FBXL22: variants seen among roughly 807,000 people sequenced by gnomAD.
The protein encoded by FBXL22 is F-box and leucine-rich protein 22.
In FBXL22, 13 loss-of-function variants were observed where a neutral mutation model predicts 11.7. The ratio of observed to expected loss-of-function variants is 1.11; its 90% CI spans 0.73 to 1.77. The LOEUF is 1.77. Among genes scored for constraint, FBXL22 ranks in the 40% most tolerant of loss-of-function variants. FBXL22 has a pLI of 0.00. For synonymous variants in FBXL22, 160 were observed against 144.1 expected, an observed-to-expected ratio of 1.11 and a Z score of -0.79; for missense variants, 406 against 320.4, an observed-to-expected ratio of 1.27 and a Z score of -2.04.
In FBXL22 at chr15:63,597,840, T is replaced by TGGAG; in HGVS notation, c.353+95_353+96insGGAG. 8.0e-7 allele frequency: 1 copy of TGGAG among 1,243,346 alleles called. No individual in the cohort carries two copies. The highest frequency in any genetic ancestry group is 1.1e-6 in the Non-Finnish European group (1 of 916,228). The allele number at this position is 1,243,346 out of a possible 1,614,324, so 77.0% of individuals were successfully genotyped here. ...GAGCAAATTACGAGACCAAGATGGC[T>TGGAG]CCACCTTCGGGGCGCCTCAAACTAG... is the stretch of plus-strand genomic sequence containing the variant. On this transcript the variant is annotated intron_variant, in intron 1 of 1. Transcript: ENST00000638704. The surrounding 1 kb of genome is among the most constrained non-coding windows in gnomAD (Gnocchi z 4.3).
downstream of FBXL22, chr15:63,601,403 C>CG (rs768224781): frequency 1.9e-6 from 3 of 1,594,836 alleles, no homozygotes; most frequent in Admixed American, 1.7e-5. Context: ...CCTGACCACT[C>CG]GGAGTTCGCC....
intron 1 of FBXL22, among the ~76,000 whole-genome samples, chr15:63,598,233 A>G (rs758183792): frequency 6.6e-6 from 1 of 152,150 alleles, no homozygotes; most frequent in African/African-American, 2.4e-5. Flanking sequence ...GAGTAGATGA[A>G]TTACTGATTT....
At chr15:63,598,706 G>A (rs2067314346) in intron 1 of FBXL22, among the ~76,000 whole-genome samples, 1 of 152,244 alleles carries the variant, frequency 6.6e-6, no homozygotes, top group African/African-American at 2.4e-5. Context: ...TTTGCTGGCA[G>A]CACGACAGGA....
At chr15:63,600,219 C>T in intron 1 of FBXL22, 1 of 987,640 alleles carries the variant, frequency 1.0e-6, no homozygotes. Flanking sequence ...ATGGGCCTGT[C>T]ACTAGGCCAC....
At chr15:63,598,210 A>C (rs1258428775) in intron 1 of FBXL22, among the ~76,000 whole-genome samples, 1 of 152,192 alleles carries the variant, frequency 6.6e-6, no homozygotes, top group African/African-American at 2.4e-5. Context: ...AGCTGAGCCA[A>C]ACCAGACTCC....
At position 63,597,799 on chromosome 15, in the gene FBXL22, C is replaced by G; in HGVS notation, c.353+54C>G. 1.3e-6 allele frequency: 2 copies of G among 1,490,290 alleles called. No individual in the cohort carries two copies. The highest frequency in any genetic ancestry group is 1.8e-6 in the Non-Finnish European group (2 of 1,112,824). The allele number at this position is 1,490,290 out of a possible 1,614,324, so 92.3% of individuals were successfully genotyped here. The stretch of plus-strand genomic sequence containing the variant: ...TGGCCCCGCTAGCTCTGGCTTCCCT[C>G]TTGGGGGGCAGGGAAGAGCAAATTA... On this transcript the variant is annotated intron_variant, in intron 1 of 1. Coordinates refer to ENST00000638704, the MANE Select transcript of FBXL22 (RefSeq NM_001367807.1). The surrounding 1 kb of genome is among the most constrained non-coding windows in gnomAD (Gnocchi z 4.3).
downstream of FBXL22, among the ~76,000 whole-genome samples, chr15:63,606,521 G>C (rs994203425): frequency 6.6e-6 from 1 of 152,180 alleles, no homozygotes; most frequent in African/African-American, 2.4e-5. Flanking sequence ...CAGCTCCTCA[G>C]ATCAGGGACT....
chr15:63,606,374 T>C (rs2067412901), downstream of FBXL22, among the ~76,000 whole-genome samples: 1 of 152,184 alleles, frequency 6.6e-6, no homozygotes, highest in Non-Finnish European at 1.5e-5. Context: ...AAACTGATGG[T>C]CAACGTTTGC....
downstream of FBXL22, among the ~76,000 whole-genome samples, chr15:63,605,643 T>G (rs938029344): frequency 1.3e-5 from 2 of 152,210 alleles, no homozygotes; most frequent in Non-Finnish European, 2.9e-5. Flanking sequence ...GATGGAAGCC[T>G]GATTGTATTC....
At chr15:63,599,891 G>A (rs2067338187) in intron 1 of FBXL22, 1 of 985,536 alleles carries the variant, frequency 1.0e-6, no homozygotes, top group African/African-American at 1.7e-5. Flanking sequence ...CCCAGTGGTA[G>A]ACATTATTCC....
downstream of FBXL22, among the ~76,000 whole-genome samples, chr15:63,606,861 G>A (rs1329353914): frequency 6.6e-6 from 1 of 152,096 alleles, no homozygotes; most frequent in Non-Finnish European, 1.5e-5. Context: ...GCCTTCTGGG[G>A]GTCCTCCTGC....
At chr15:63,600,075 G>A (rs1278388086) in intron 1 of FBXL22, 10 of 985,572 alleles carry the variant, frequency 1.0e-5, no homozygotes, top group Non-Finnish European at 1.2e-5. Context: ...ACCTGCTCAG[G>A]GCTTGCCTCT....
chr15:63,598,973 A>AG (rs1455860478), intron 1 of FBXL22, among the ~76,000 whole-genome samples: 1 of 152,226 alleles, frequency 6.6e-6, no homozygotes, highest in African/African-American at 2.4e-5. Context: ...TGGACCTCCC[A>AG]GGCCACTGTA....
intron 1 of FBXL22, chr15:63,599,259 C>CT: frequency 1.3e-6 from 2 of 1,524,746 alleles, no homozygotes; most frequent in East Asian, 2.5e-5. Flanking sequence ...GGAGGAATGG[C>CT]TGAGGATGGC....
chr15:63,607,407 C>G (rs1368293446), downstream of FBXL22, among the ~76,000 whole-genome samples: 1 of 152,208 alleles, frequency 6.6e-6, no homozygotes, highest in Non-Finnish European at 1.5e-5. Context: ...GGCTTCAAGC[C>G]CAAAGCCCTT....
chr15:63,602,539 A>C (rs1340189933), downstream of FBXL22: 2 of 147,078 alleles, frequency 1.4e-5, no homozygotes, highest in Non-Finnish European at 3.0e-5. Flanking sequence ...GTGAGCCAAG[A>C]TCGTGCCACT....
At position 63,600,134 on chromosome 15, in the gene FBXL22, C is replaced by T. The variant is rs1291451858; in HGVS notation, c.354-563C>T. 4 of 985,736 alleles carry T rather than the reference C, an allele frequency of 4.1e-6. No homozygotes were observed. In the African/African-American group the frequency reaches 7.0e-5, roughly 17 times the overall value. 61.1% of individuals were successfully genotyped at this position (985,736 alleles called of 1,614,324 possible). On this transcript the variant is annotated intron_variant, in intron 1 of 1. Transcript: ENST00000638704. ...TTCCAGGCTGGTGGCCCAGGGGATGCAGGAACAGCTCTAGTCTACTAAGCT... is the reference window on the plus strand; with the variant it reads ...TTCCAGGCTGGTGGCCCAGGGGATGTAGGAACAGCTCTAGTCTACTAAGCT...
downstream of FBXL22, chr15:63,601,506 T>TC: frequency 6.5e-7 from 1 of 1,549,700 alleles, no homozygotes; most frequent in Non-Finnish European, 8.7e-7. Flanking sequence ...CCCCGCCGGC[T>TC]CCCGGAGTGT....
chr15:63,604,566 T>C (rs550616652), downstream of FBXL22, among the ~76,000 whole-genome samples: 1 of 152,294 alleles, frequency 6.6e-6, no homozygotes, highest in South Asian at 2.1e-4. Flanking sequence ...TGGAGACACA[T>C]GGCTCTCCAC....
Sources: allele counts gnomAD v4.1 joint callset (sites outside exome capture counted in the v4.1 genomes callset), GRCh38; gene constraint gnomAD v4.1.1; non-coding constraint Gnocchi (gnomAD v3.1); transcripts MANE v1.5; gene names NCBI Gene and HGNC (gene_info 2026-07-23, HGNC 2026-07-21).